CELA3B: variants seen among roughly 807,000 people sequenced by gnomAD.
CELA3B encodes chymotrypsin like elastase 3B.
A neutral mutation model predicts 37.2 loss-of-function variants in CELA3B; 34 were observed. That is an observed-to-expected ratio of 0.91 (90% confidence interval 0.70 to 1.22). CELA3B has a LOEUF of 1.22. CELA3B is among the 50% of genes most tolerant of loss of function. CELA3B has a pLI of 0.00. For missense variants in CELA3B, 340 were observed against 363.1 expected (o/e 0.94, Z 0.52); for synonymous variants, 127 against 143.5 (o/e 0.89, Z 0.82).
In CELA3B at chr1:21,978,336, C is replaced by G. The variant is rs373460870; in HGVS notation, c.44-33C>G. On this transcript the variant is annotated intron_variant, in intron 1 of 7. Transcript: ENST00000337107. ...CCTCCTCTTTGCTTTTGGGGACCCT[C>G]CCGCTGATTGACAGCTCTCCTCTCC... 4.3e-6 allele frequency: 7 copies of G among 1,613,002 alleles called. No individual in the cohort carries two copies. The African/African-American group carries it at 8.0e-5, about 18-fold the overall frequency.
At chr1:21,982,671 T>TTTTGA (rs1395225096) in intron 4 of CELA3B, among the ~76,000 whole-genome samples, 1 of 151,792 alleles carries the variant, frequency 6.6e-6, no homozygotes, top group Admixed American at 6.6e-5. Flanking sequence ...AGCAGTCTGT[T>TTTTGA]TTTGTTTTGT....
chr1:21,983,638 G>T, intron 4 of CELA3B, 56 bp from the exon 5 acceptor site: 1 of 1,597,586 alleles, frequency 6.3e-7, no homozygotes, highest in East Asian at 2.2e-5. Flanking sequence ...ACGGCTGGAA[G>T]GTAGGACTTG....
intron 6 of CELA3B, among the ~76,000 whole-genome samples, chr1:21,985,767 T>TGCTACTCGGTAGCCTGGCATG (rs1644835204): frequency 2.6e-5 from 4 of 152,032 alleles, no homozygotes; most frequent in South Asian, 4.2e-4. Flanking sequence ...GGTGGGCGCC[T>TGCTACTCGGTAGCCTGGCATG]GTAGTCCCAG....
At chr1:21,982,670 TTTTTGTTTTG>T (rs1008515919) in intron 4 of CELA3B, among the ~76,000 whole-genome samples, 1 of 151,820 alleles carries the variant, frequency 6.6e-6, no homozygotes, top group African/African-American at 2.4e-5. Flanking sequence ...CAGCAGTCTG[TTTTTGTTTTG>T]TTTTGTTTTG....
intron 6 of CELA3B, among the ~76,000 whole-genome samples, chr1:21,985,178 G>T (rs1172454302): frequency 3.3e-5 from 5 of 152,198 alleles, no homozygotes; most frequent in South Asian, 2.1e-4. Flanking sequence ...AACTACTTGA[G>T]AGGCTGAGGT....
At position 21,984,213 on chromosome 1, in the gene CELA3B, T is replaced by C; in HGVS notation, c.524T>C (p.Leu175Pro). ...LYTNGPLPDK[L>P]QEALLPVVDY... ...GCCAACGGGCCACTCCCAGACAAGC[T>C]GCAGGAGGCCCTGCTGCCGGTGGTG... is the stretch of plus-strand genomic sequence containing the variant. The change falls in exon 6 of 8, where the codon CTG becomes CCG. Residue 175 changes from leucine to proline, a missense_variant. Leu to Pro is a moderately conservative substitution (Grantham distance 98, BLOSUM62 -3). Transcript: ENST00000337107. 6.2e-7 allele frequency: 1 copy of C among 1,614,054 alleles called. No individual in the cohort carries two copies. Among genetic ancestry groups the C allele is most frequent in the Non-Finnish European group, 8.5e-7 (1 of 1,179,960 alleles).
intron 4 of CELA3B, among the ~76,000 whole-genome samples, chr1:21,983,221 G>A (rs970773185): frequency 1.3e-5 from 2 of 152,108 alleles, no homozygotes; most frequent in Non-Finnish European, 2.9e-5. Flanking sequence ...CAAGCGTGGT[G>A]GCATGTACCT....
In CELA3B at chr1:21,983,981, C is replaced by T. The variant is rs150334655; in HGVS notation, c.499+151C>T. 604 of 1,410,846 alleles carry T rather than the reference C, an allele frequency of 4.3e-4. 6 individuals are homozygous for T. In the East Asian group the frequency reaches 0.012, roughly 27 times the overall value. 87.4% of individuals were successfully genotyped at this position (1,410,846 alleles called of 1,614,324 possible). ...CCTTCTCCCACCAACCTCCAAAACA[C>T]GAATGTGGTCAATTGCACATGTTTT... is the stretch of plus-strand genomic sequence containing the variant. On this transcript the variant is annotated intron_variant, in intron 5 of 7. Transcript: ENST00000337107.
rs760926468 is a variant in CELA3B at position 21,983,834 on chromosome 1, C to T, written c.499+4C>T. 14 of 1,613,612 alleles carry T rather than the reference C, an allele frequency of 8.7e-6. No individual in the cohort carries two copies. The East Asian group carries it at 8.9e-5, about 10-fold the overall frequency. ...ACCGGCTGGGGCCGTCTCTATAGTA[C>T]GTGCTGACTTCTCTAGCTGGCCACA... On this transcript the variant is annotated splice_donor_region_variant and intron_variant, in intron 5 of 7. Coordinates refer to ENST00000337107, the MANE Select transcript of CELA3B (RefSeq NM_007352.4).
In CELA3B at chr1:21,984,169, G is replaced by T. The variant is rs6426735; in HGVS notation, c.500-20G>T. ...CCCTGTGCCCCCAGACCCCTGACTC[G>T]GTGCTTTTTATCGCTGCAGCCAACG... is the stretch of plus-strand genomic sequence containing the variant. On this transcript the variant is annotated intron_variant, in intron 5 of 7. Transcript: ENST00000337107. The T allele has an allele frequency of 0.93, 1,497,521 of 1,609,176 alleles. 699,647 individuals are homozygous for T. The highest frequency in any genetic ancestry group is 0.95 in the South Asian group (85,873 of 90,284).
intron 5 of CELA3B, among the ~76,000 whole-genome samples, 164 bp from the exon 6 acceptor site, chr1:21,984,025 C>T (rs1280297619): frequency 1.3e-5 from 2 of 152,240 alleles, no homozygotes; most frequent in Non-Finnish European, 2.9e-5. Context: ...CTGTGTGCCA[C>T]GTGCTAGGGA....
Position 21,984,272 on chromosome 1 carries a change from G to T in CELA3B, c.583G>T (p.Gly195Cys). Residue 195 changes from glycine (G) to cysteine (C), a missense_variant, in exon 6 of 8, where the codon GGT becomes TGT. Physicochemically the swap from Gly to Cys is radical, Grantham distance 159. Coordinates refer to ENST00000337107, the MANE Select transcript of CELA3B (RefSeq NM_007352.4). The part of the protein sequence containing the change: ...YEHCSRWNWW[G>C]SSVKKTMVCA... ...ACACTGCTCCAGGTGGAACTGGTGG[G>T]GTTCCTCCGTGAAGAAGACCATGGT... 1.2e-6 allele frequency: 2 copies of T among 1,614,188 alleles called. No individual in the cohort carries two copies. Among genetic ancestry groups the T allele is most frequent in the Non-Finnish European group, 8.5e-7 (1 of 1,180,030 alleles).
At chr1:21,977,547 A>G (rs1226224205) in intron 1 of CELA3B, among the ~76,000 whole-genome samples, 1 of 152,166 alleles carries the variant, frequency 6.6e-6, no homozygotes, top group Non-Finnish European at 1.5e-5. Context: ...GTAACAGATA[A>G]CATTGATTGA....
rs184530966 is a variant in CELA3B at position 21,977,226 on chromosome 1, G to A, written c.43+144G>A. The A allele has an allele frequency of 1.5e-3, 1,827 of 1,253,456 alleles. 10 individuals are homozygous for A. The highest frequency in any genetic ancestry group is 5.7e-3 in the African/African-American group (387 of 67,306). The allele number at this position is 1,253,456 out of a possible 1,614,324, so 77.6% of individuals were successfully genotyped here. On this transcript the variant is annotated intron_variant, in intron 1 of 7. Transcript: ENST00000337107. ...AGCTTGTACCCGGGGGCATGACTGT[G>A]GGGGCTTTCAGCTTATGATGGAGCA... is the stretch of plus-strand genomic sequence containing the variant.
At chr1:21,997,599 G>A (rs1170602967) in intron 4 of CELA3B, among the ~76,000 whole-genome samples, 1 of 150,228 alleles carries the variant, frequency 6.7e-6, no homozygotes, top group East Asian at 2.0e-4. Flanking sequence ...GAGGGCAGAA[G>A]AATCACTTGA....
At chr1:21,985,708 T>A (rs7512976) in intron 6 of CELA3B, among the ~76,000 whole-genome samples, 3 of 151,810 alleles carry the variant, frequency 2.0e-5, no homozygotes, top group Admixed American at 6.6e-5. Context: ...TGGCTAACAC[T>A]GTGAAACCTC....
intron 6 of CELA3B, among the ~76,000 whole-genome samples, chr1:21,984,626 C>T (rs7540801): frequency 2.6e-5 from 4 of 152,176 alleles, no homozygotes; most frequent in Admixed American, 1.3e-4. Context: ...CCATGACCTC[C>T]AACGCAGGTC....
At chr1:21,987,467 AAGAG>A (rs1226303767) in intron 7 of CELA3B, 3 of 24,168 alleles carry the variant, frequency 1.2e-4, no homozygotes, top group African/African-American at 1.9e-4. Context: ...AAAAAAAAAA[AAGAG>A]TAATAGCTAG....
Position 21,994,889 on chromosome 1 carries a change from C to T in CELA3B, c.505-3262C>T, listed in dbSNP as rs533776966. Reference sequence around the variant, plus strand: ...TGGTGGTGCGTGCCTGCAGTCCCAGCGACTCGGCAGGCTGAGGTGGGAGGA... The same window carrying T: ...TGGTGGTGCGTGCCTGCAGTCCCAGTGACTCGGCAGGCTGAGGTGGGAGGA... On this transcript the variant is annotated intron_variant, in intron 4 of 4. Transcript: ENST00000400277. Among the ~76,000 whole-genome samples, 10 of 148,638 alleles carry T rather than the reference C, an allele frequency of 6.7e-5. No individual in the cohort carries two copies. The East Asian group carries it at 1.0e-3, about 15-fold the overall frequency.
Sources: gnomAD v4.1 joint callset for allele counts (sites outside exome capture counted in the v4.1 genomes callset) on GRCh38, gnomAD v4.1.1 for gene constraint, MANE v1.5 for transcripts, NCBI Gene and HGNC (gene_info 2026-07-23, HGNC 2026-07-21) for gene names.